WWOX: variants seen among roughly 807,000 people sequenced by gnomAD.
The protein encoded by WWOX is WW domain containing oxidoreductase.
In WWOX, 69 loss-of-function variants were observed where a neutral mutation model predicts 46.2. That is an observed-to-expected ratio of 1.49 (90% CI 1.23 to 1.82). WWOX has a LOEUF of 1.82. WWOX is among the 40% of genes most tolerant of loss of function. WWOX has a pLI of 0.00. For missense variants in WWOX, 919 were observed against 542.6 expected, an observed-to-expected ratio of 1.69 and a Z score of -6.89; for synonymous variants, 359 against 202.6, an observed-to-expected ratio of 1.77 and a Z score of -6.56.
In WWOX at chr16:78,956,944, G is replaced by C. The variant is rs79380225; in HGVS notation, c.1057-254664G>C. On this transcript the variant is annotated intron_variant, in intron 8 of 8. Coordinates refer to ENST00000566780, the MANE Select transcript of WWOX (RefSeq NM_016373.4). ...AGTTTGCTACTGTCACTTCTGAGTA[G>C]TTGCAGTCCCTCCCAGTACGTGGGT... is the stretch of plus-strand genomic sequence containing the variant. 6.9e-3 allele frequency among the ~76,000 whole-genome samples: 1,046 copies of C among 152,336 alleles called. 11 individuals carry two copies. The highest frequency in any genetic ancestry group is 0.024 in the African/African-American group (996 of 41,578).
At position 78,151,023 on chromosome 16, in the gene WWOX, G is replaced by A. The variant is rs1713804150; in HGVS notation, c.410-13160G>A. On this transcript the variant is annotated intron_variant, in intron 4 of 8. Transcript: ENST00000566780. ...CTCTTGAGTAACTGGGACTGCAGGT[G>A]CATGGCACTGTGCTCCACAATTTTT... Among the ~76,000 whole-genome samples, 3 of 149,228 alleles carry A rather than the reference G, an allele frequency of 2.0e-5. No homozygotes were observed. The South Asian group carries it at 6.4e-4, about 32-fold the overall frequency.
chr16:78,425,964 C>T (rs1447208466), intron 7 of WWOX, among the ~76,000 whole-genome samples: 1 of 152,138 alleles, frequency 6.6e-6, no homozygotes, highest in East Asian at 1.9e-4. Context: ...AATGTAACCC[C>T]TGGGACTTGG....
intron 6 of WWOX, among the ~76,000 whole-genome samples, chr16:78,408,143 A>T (rs1015240460): frequency 6.6e-6 from 1 of 152,178 alleles, no homozygotes; most frequent in African/African-American, 2.4e-5. Context: ...ACTGAAAGCC[A>T]AGCTACAAGT....
At chr16:78,236,516 A>G (rs997352957) in intron 5 of WWOX, among the ~76,000 whole-genome samples, 4 of 152,196 alleles carry the variant, frequency 2.6e-5, no homozygotes, top group South Asian at 4.1e-4. Context: ...AAGCACAGGA[A>G]TTGCCTTCAA....
chr16:78,550,847 T>C (rs2044156445), intron 8 of WWOX: 1 of 149,788 alleles, frequency 6.7e-6, no homozygotes, highest in Non-Finnish European at 1.5e-5. Context: ...GCGGACCTAA[T>C]TTTTTTTTTA....
intron 8 of WWOX, among the ~76,000 whole-genome samples, chr16:78,861,858 T>G (rs531378897): frequency 6.6e-6 from 1 of 152,344 alleles, no homozygotes; most frequent in South Asian, 2.1e-4. Flanking sequence ...TCCAGGCCTC[T>G]AATGTTTTCT....
chr16:79,047,813 C>T lies in WWOX; in HGVS notation c.1057-163795C>T, dbSNP rs1054892010. Among the ~76,000 whole-genome samples, 6 of 150,668 alleles carry T rather than the reference C, an allele frequency of 4.0e-5. 1 individual carries two copies. In the East Asian group the frequency reaches 7.9e-4, roughly 20 times the overall value. On this transcript the variant is annotated intron_variant, in intron 8 of 8. Coordinates refer to ENST00000566780, the MANE Select transcript of WWOX (RefSeq NM_016373.4). ...ATCTGATGACTGGCTCACAGTAGGA[C>T]CATGACGTGAGCAGATTTGTAGTCC...
At chr16:79,068,803 C>G (rs1445326146) in intron 8 of WWOX, among the ~76,000 whole-genome samples, 2 of 146,702 alleles carry the variant, frequency 1.4e-5, no homozygotes, top group East Asian at 2.0e-4. Flanking sequence ...AGAGCCAGAA[C>G]TTGTCTCAAA....
At chr16:78,624,558 T>A (rs369692046) in intron 8 of WWOX, among the ~76,000 whole-genome samples, 22 of 152,240 alleles carry the variant, frequency 1.4e-4, no homozygotes, top group African/African-American at 5.3e-4. Context: ...TGTTTCTGTA[T>A]AAACAGACTA....
intron 8 of WWOX, among the ~76,000 whole-genome samples, chr16:78,953,170 C>T (rs1169426988): frequency 3.3e-5 from 5 of 152,008 alleles, no homozygotes; most frequent in Admixed American, 1.3e-4. Flanking sequence ...GAAGTTCAGC[C>T]GTGGTTCTGA....
At chr16:78,780,692 A>C (rs934711474) in intron 8 of WWOX, among the ~76,000 whole-genome samples, 1 of 152,184 alleles carries the variant, frequency 6.6e-6, no homozygotes, top group Non-Finnish European at 1.5e-5. Flanking sequence ...AGAACAGTCT[A>C]GGCAAGGTGA....
chr16:78,793,996 G>T lies in WWOX; in HGVS notation c.1056+361244G>T, dbSNP rs929848752. Among the ~76,000 whole-genome samples, 5 of 152,316 alleles carry T rather than the reference G, an allele frequency of 3.3e-5. No individual in the cohort carries two copies. In the East Asian group the frequency reaches 9.6e-4, roughly 29 times the overall value. ...CCCATGCCATATAGCAAAGTTCTTA[G>T]TAACACAGGCTTTGGGTTACAGCAG... On this transcript the variant is annotated intron_variant, in intron 8 of 8. Transcript: ENST00000566780.
At chr16:79,007,388 A>G (rs2047211566) in intron 8 of WWOX, among the ~76,000 whole-genome samples, 1 of 152,208 alleles carries the variant, frequency 6.6e-6, no homozygotes, top group African/African-American at 2.4e-5. Context: ...AATGGCAAAC[A>G]CAGTGGCCCT....
intron 8 of WWOX, among the ~76,000 whole-genome samples, chr16:79,114,228 T>C (rs1170249641): frequency 6.6e-6 from 1 of 152,028 alleles, no homozygotes; most frequent in Admixed American, 6.5e-5. Flanking sequence ...TCCTGTTACC[T>C]GTGAATGTAA....
chr16:78,900,298 A>G (rs994472532), intron 8 of WWOX, among the ~76,000 whole-genome samples: 1 of 152,138 alleles, frequency 6.6e-6, no homozygotes, highest in Admixed American at 6.6e-5. Context: ...TGGTTTCTCC[A>G]TACACTGAAC....
At chr16:78,572,195 G>A (rs1171371889) in intron 8 of WWOX, among the ~76,000 whole-genome samples, 2 of 152,158 alleles carry the variant, frequency 1.3e-5, no homozygotes. Context: ...ATGAAATGGG[G>A]AAATTAATGG....
intron 8 of WWOX, among the ~76,000 whole-genome samples, chr16:78,478,215 T>A (rs1432257507): frequency 6.6e-6 from 1 of 152,218 alleles, no homozygotes; most frequent in Non-Finnish European, 1.5e-5. Flanking sequence ...GTAGTAGCAT[T>A]TTTAGTAAAG....
At chr16:78,444,763 C>T (rs1272774412) in intron 8 of WWOX, among the ~76,000 whole-genome samples, 1 of 152,066 alleles carries the variant, frequency 6.6e-6, no homozygotes, top group East Asian at 1.9e-4. Context: ...ATCTCCTGAC[C>T]TCATGATCCA....
At chr16:79,087,260 C>T (rs991031000) in intron 8 of WWOX, among the ~76,000 whole-genome samples, 4 of 152,174 alleles carry the variant, frequency 2.6e-5, no homozygotes, top group African/African-American at 4.8e-5. Context: ...CAGCCAGGAG[C>T]GTGTGAAGCA....
Sources: gnomAD v4.1 joint callset for allele counts (sites outside exome capture counted in the v4.1 genomes callset) on GRCh38, gnomAD v4.1.1 for gene constraint, MANE v1.5 for transcripts, NCBI Gene and HGNC (gene_info 2026-07-23, HGNC 2026-07-21) for gene names.